PDE7A: variants seen among roughly 807,000 people sequenced by gnomAD.
PDE7A encodes the protein phosphodiesterase 7A, also known as high affinity 3',5'-cyclic-AMP phosphodiesterase 7A.
Under a neutral mutation model 64.3 loss-of-function variants are expected in PDE7A, and 39 were observed. The observed-to-expected ratio is 0.61, with a 90% CI of 0.47 to 0.79. The LOEUF (loss-of-function observed/expected upper bound fraction) is 0.79, where lower values mean the gene tolerates loss of function less well. PDE7A is among the 30% of genes least tolerant of loss of function. The pLI is 0.00. For missense variants in PDE7A, 470 were observed against 582.8 expected, an observed-to-expected ratio of 0.81 and a Z score of 1.99; for synonymous variants, 203 against 206.8, an observed-to-expected ratio of 0.98 and a Z score of 0.16.
At chr8:65,767,938 G>A (rs957347561) in intron 3 of PDE7A, among the ~76,000 whole-genome samples, 9 of 152,200 alleles carry the variant, frequency 5.9e-5, no homozygotes, top group Non-Finnish European at 8.8e-5. Flanking sequence ...AGTTCCAGAG[G>A]CCAGGACTTG....
chr8:65,760,820 G>A (rs964588048), intron 3 of PDE7A, among the ~76,000 whole-genome samples: 2 of 152,152 alleles, frequency 1.3e-5, no homozygotes, highest in Non-Finnish European at 2.9e-5. Flanking sequence ...TTACACCCAG[G>A]TGTTCTGTCA....
At chr8:65,758,908 G>A (rs1235178584) in intron 3 of PDE7A, among the ~76,000 whole-genome samples, 4 of 152,130 alleles carry the variant, frequency 2.6e-5, no homozygotes, top group Non-Finnish European at 4.4e-5. Flanking sequence ...TGTTCAGGGC[G>A]TTCCTACCAT....
intron 6 of PDE7A, 56 bp downstream of exon 6, chr8:65,739,446 A>G (rs1055874074): frequency 2.0e-6 from 3 of 1,492,368 alleles, no homozygotes; most frequent in South Asian, 2.8e-5. Context: ...TAAAACTTAA[A>G]CAGGTTCTTG....
At chr8:65,727,550 C>T (rs1806663776) in intron 7 of PDE7A, 2 of 342,846 alleles carry the variant, frequency 5.8e-6, no homozygotes, top group Admixed American at 9.4e-5. Flanking sequence ...CATCCTTAGG[C>T]CATTTCATTT....
intron 5 of PDE7A, among the ~76,000 whole-genome samples, chr8:65,741,355 T>C (rs910778686): frequency 1.3e-5 from 2 of 152,128 alleles, no homozygotes; most frequent in Non-Finnish European, 2.9e-5. Flanking sequence ...TAGTCCCAAA[T>C]TGAAAATTTA....
intron 1 of PDE7A, among the ~76,000 whole-genome samples, chr8:65,803,493 C>G (rs1366026791): frequency 6.6e-6 from 1 of 152,148 alleles, no homozygotes; most frequent in African/African-American, 2.4e-5. Flanking sequence ...CAATGTTAAA[C>G]CAGTCAGAAA....
chr8:65,740,697 G>A (rs1229532873), intron 5 of PDE7A, among the ~76,000 whole-genome samples: 2 of 152,120 alleles, frequency 1.3e-5, no homozygotes, highest in South Asian at 2.1e-4. Flanking sequence ...TACCACGCCT[G>A]GCCAAGTTTC....
At chr8:65,792,365 T>C (rs553909363) in intron 1 of PDE7A, among the ~76,000 whole-genome samples, 3 of 152,314 alleles carry the variant, frequency 2.0e-5, no homozygotes, top group Non-Finnish European at 2.9e-5. Flanking sequence ...ATGAGTGTGA[T>C]CAATAGGAAA....
chr8:65,840,497 T>C (rs1166176791), intron 1 of PDE7A, among the ~76,000 whole-genome samples: 2 of 151,934 alleles, frequency 1.3e-5, no homozygotes, highest in Admixed American at 6.6e-5. Context: ...TATTAGCCAA[T>C]AGGAAAAATA....
At chr8:65,758,637 T>C (rs946634566) in intron 3 of PDE7A, among the ~76,000 whole-genome samples, 3 of 152,228 alleles carry the variant, frequency 2.0e-5, no homozygotes, top group Non-Finnish European at 4.4e-5. Context: ...AGTGTTTCAA[T>C]TGCCATTTCT....
At chr8:65,809,273 C>T (rs541391536) in intron 1 of PDE7A, among the ~76,000 whole-genome samples, 18 of 152,246 alleles carry the variant, frequency 1.2e-4, no homozygotes, top group African/African-American at 3.6e-4. Context: ...TTATAACAAC[C>T]GTATTTTGTT....
At chr8:65,755,445 A>G (rs1388793743) in intron 3 of PDE7A, among the ~76,000 whole-genome samples, 1 of 152,184 alleles carries the variant, frequency 6.6e-6, no homozygotes, top group Non-Finnish European at 1.5e-5. Context: ...GGGGTTTACA[A>G]TTAACACCTT....
chr8:65,775,678 A>C (rs1265227902), intron 3 of PDE7A, among the ~76,000 whole-genome samples: 1 of 152,136 alleles, frequency 6.6e-6, no homozygotes, highest in Non-Finnish European at 1.5e-5. Context: ...CCAAGGCTTG[A>C]GTGAAGTGGT....
At chr8:65,733,866 G>A (rs537664906) in intron 7 of PDE7A, among the ~76,000 whole-genome samples, 5 of 152,096 alleles carry the variant, frequency 3.3e-5, no homozygotes, top group Admixed American at 1.3e-4. Flanking sequence ...CCTGTTTCCC[G>A]CCTAACACCT....
chr8:65,753,204 G>A (rs1029790973), intron 3 of PDE7A, among the ~76,000 whole-genome samples: 4 of 152,140 alleles, frequency 2.6e-5, no homozygotes, highest in African/African-American at 7.2e-5. Context: ...TGCTGTGCCA[G>A]TTTCCTTTTT....
At chr8:65,821,396 A>AAAC (rs58207998) in intron 1 of PDE7A, among the ~76,000 whole-genome samples, 28,189 of 151,954 alleles carry the variant, frequency 0.19, 3,520 homozygotes, top group African/African-American at 0.37. Flanking sequence ...CTAAACCAAG[A>AAAC]TACAGCCCAA....
chr8:65,817,452 CTTTA>C (rs1038194289), intron 1 of PDE7A, among the ~76,000 whole-genome samples: 34 of 151,844 alleles, frequency 2.2e-4, no homozygotes, highest in Middle Eastern at 3.4e-3. Context: ...AAAATATAGA[CTTTA>C]TTTGTCACCA....
At chr8:65,736,140 TAAC>T (rs1227004640) in intron 6 of PDE7A, among the ~76,000 whole-genome samples, 3 of 152,178 alleles carry the variant, frequency 2.0e-5, no homozygotes, top group African/African-American at 7.2e-5. Context: ...AGAACGATTA[TAAC>T]AATAAGCCAG....
intron 1 of PDE7A, among the ~76,000 whole-genome samples, chr8:65,797,432 A>G (rs1235628522): frequency 6.6e-6 from 1 of 152,206 alleles, no homozygotes; most frequent in Non-Finnish European, 1.5e-5. Flanking sequence ...AAGAACACCA[A>G]GGATTGCTAT....
Sources: allele counts gnomAD v4.1 joint callset (sites outside exome capture counted in the v4.1 genomes callset), GRCh38; gene constraint gnomAD v4.1.1; transcripts MANE v1.5; gene names NCBI Gene and HGNC (gene_info 2026-07-23, HGNC 2026-07-21).